The following CUX1 variants were observed in gnomAD, a reference collection of about 807,000 sequenced individuals.
The protein encoded by CUX1 is protein CASP.
A neutral mutation model predicts 158.8 loss-of-function variants in CUX1; 31 were observed. The ratio of observed to expected loss-of-function variants is 0.20; its 90% CI spans 0.15 to 0.26. The LOEUF is 0.26. Ranked by LOEUF, CUX1 falls within the 10% of genes least tolerant of loss-of-function variation. CUX1 has a pLI of 1.00. For missense variants in CUX1, 1,589 were observed against 2,014.6 expected (o/e 0.79, Z 4.04); for synonymous variants, 879 against 862.1 (o/e 1.02, Z -0.34).
intron 2 of CUX1, among the ~76,000 whole-genome samples, chr7:101,942,972 A>G (rs1319004249): frequency 2.0e-5 from 3 of 151,584 alleles, no homozygotes; most frequent in African/African-American, 7.3e-5. Flanking sequence ...TCCTTCCTAG[A>G]ACAGCTGTGA....
chr7:101,955,216 G>C (rs756549897), intron 2 of CUX1, among the ~76,000 whole-genome samples: 2 of 151,638 alleles, frequency 1.3e-5, no homozygotes, highest in Non-Finnish European at 1.5e-5. Flanking sequence ...TTTGTGTTCC[G>C]CTCTGCGCCT....
chr7:102,194,189 T>G, intron 13 of CUX1: 1 of 412,512 alleles, frequency 2.4e-6, no homozygotes, highest in South Asian at 5.7e-5. Flanking sequence ...GCAAATTATC[T>G]TTAACAAAAA....
chr7:101,849,053 T>G (rs1795994006), intron 1 of CUX1, among the ~76,000 whole-genome samples: 1 of 152,118 alleles, frequency 6.6e-6, no homozygotes, highest in South Asian at 2.1e-4. Flanking sequence ...AGGTGTTTCT[T>G]CCTTGGCAGC....
intron 1 of CUX1, among the ~76,000 whole-genome samples, chr7:101,874,297 A>G (rs547791658): frequency 6.6e-6 from 1 of 152,338 alleles, no homozygotes; most frequent in South Asian, 2.1e-4. Flanking sequence ...TGAGGAAATA[A>G]GGGCTTAATA....
rs1207475198 is a variant in CUX1 at position 102,038,789 on chromosome 7, CA to C, written c.189+10651del. Among the ~76,000 whole-genome samples the C allele has an allele frequency of 6.6e-5, 10 of 151,966 alleles. No homozygotes were observed. The East Asian group carries it at 1.9e-3, about 29-fold the overall frequency. On this transcript the variant is annotated intron_variant, in intron 3 of 23. Transcript: ENST00000292535. ...CAACATAGTGAGACCTCCATCTTGA[CA>C]AAAAAATTTAAAAAGTTACCCAAGC...
At chr7:102,123,805 G>A (rs1399862480) in intron 8 of CUX1, among the ~76,000 whole-genome samples, 3 of 151,846 alleles carry the variant, frequency 2.0e-5, no homozygotes, top group South Asian at 2.1e-4. Flanking sequence ...TGGTATCACA[G>A]GTGTGTACCA....
chr7:101,821,738 G>C lies in CUX1; in HGVS notation c.30+4069G>C, dbSNP rs1207213950. ...CGCCCAGGCTGGAGTGCAGTGGTGC[G>C]ATCTCGGCTCACTGCAAGCTCCGCC... is the stretch of plus-strand genomic sequence containing the variant. On this transcript the variant is annotated intron_variant, in intron 1 of 23. Transcript: ENST00000292535. Among the ~76,000 whole-genome samples the C allele has an allele frequency of 1.0e-4, 10 of 98,020 alleles. No individual in the cohort carries two copies. In the East Asian group the frequency reaches 2.4e-3, roughly 23 times the overall value. 64.3% of individuals were successfully genotyped at this position (98,020 alleles called of 152,430 possible).
intron 3 of CUX1, among the ~76,000 whole-genome samples, chr7:102,057,481 T>G (rs1416450078): frequency 6.6e-6 from 1 of 152,192 alleles, no homozygotes; most frequent in Non-Finnish European, 1.5e-5. Flanking sequence ...TTAGATTCCA[T>G]GAAGAACATT....
chr7:101,872,232 C>G (rs1798643072), intron 1 of CUX1, among the ~76,000 whole-genome samples: 1 of 152,066 alleles, frequency 6.6e-6, no homozygotes, highest in Non-Finnish European at 1.5e-5. Context: ...CTCTTGGGTT[C>G]AAGTGATTCT....
intron 10 of CUX1, among the ~76,000 whole-genome samples, chr7:102,175,880 C>A (rs1406475716): frequency 6.6e-6 from 1 of 152,210 alleles, no homozygotes; most frequent in Non-Finnish European, 1.5e-5. Context: ...AAAATGTCAC[C>A]GAAATGCCGA....
At chr7:102,140,087 C>T (rs1348312925) in intron 8 of CUX1, among the ~76,000 whole-genome samples, 1 of 152,186 alleles carries the variant, frequency 6.6e-6, no homozygotes, top group Non-Finnish European at 1.5e-5. Context: ...CAAGACACAG[C>T]ATCAATAAAG....
chr7:102,248,783 C>T lies in CUX1; in HGVS notation c.4259C>T (p.Ala1420Val), dbSNP rs1801117640. The T allele has an allele frequency of 1.9e-6, 2 of 1,057,790 alleles. No individual in the cohort carries two copies. The highest frequency in any genetic ancestry group is 3.5e-5 in the African/African-American group (2 of 57,734). The allele number at this position is 1,057,790 out of a possible 1,614,324, so 65.5% of individuals were successfully genotyped here. The stretch of plus-strand genomic sequence containing the variant: ...GCCGCGCCCGCGGCCCCCGAGGACG[C>T]CGCTACCTCAGCCGCCGCCGCGCCG... Reference protein sequence around the residue: ...ATAAPAAPEDAATSAAAAPGE... With the variant: ...ATAAPAAPEDVATSAAAAPGE... The change falls in exon 24 of 24, where the codon GCC becomes GTC. Residue 1420 changes from alanine to valine, a missense_variant. Transcript: ENST00000292535. The surrounding 1 kb of genome is among the most constrained non-coding windows in gnomAD (Gnocchi z 5.8).
chr7:102,207,647 T>A (rs1248357786), intron 20 of CUX1, among the ~76,000 whole-genome samples: 4 of 152,066 alleles, frequency 2.6e-5, no homozygotes, highest in African/African-American at 9.7e-5. Flanking sequence ...TGACAGAGTT[T>A]CAACATGTTG....
At chr7:101,989,754 C>A (rs943073083) in intron 2 of CUX1, among the ~76,000 whole-genome samples, 2 of 152,172 alleles carry the variant, frequency 1.3e-5, no homozygotes, top group Admixed American at 6.5e-5. Context: ...CCTGCTCCTA[C>A]CCCCGTCCTT....
intron 3 of CUX1, among the ~76,000 whole-genome samples, chr7:102,035,688 T>C (rs1585360981): frequency 8.1e-6 from 1 of 123,034 alleles, no homozygotes; most frequent in Non-Finnish European, 1.7e-5. Flanking sequence ...TAGAAATGAA[T>C]GTAACAATAC....
intron 3 of CUX1, among the ~76,000 whole-genome samples, chr7:102,033,961 C>T (rs778967487): frequency 2.4e-4 from 36 of 151,558 alleles, no homozygotes; most frequent in Non-Finnish European, 4.3e-4. Flanking sequence ...GCCTGGCCAA[C>T]ATGGTGCAAC....
intron 1 of CUX1, among the ~76,000 whole-genome samples, chr7:101,878,243 C>T (rs1562957765): frequency 6.6e-6 from 1 of 152,176 alleles, no homozygotes; most frequent in Non-Finnish European, 1.5e-5. Flanking sequence ...GGGACAGGAC[C>T]CTCCCCTCCC....
intron 6 of CUX1, among the ~76,000 whole-genome samples, chr7:102,111,101 GT>G (rs34055650): frequency 0.044 from 6,526 of 147,278 alleles, 148 homozygotes; most frequent in Middle Eastern, 0.11. Flanking sequence ...TTTTGGAGGG[GT>G]TTTTTTTTTT....
intron 2 of CUX1, among the ~76,000 whole-genome samples, chr7:101,992,629 A>C (rs1815288890): frequency 6.6e-6 from 1 of 152,088 alleles, no homozygotes; most frequent in Non-Finnish European, 1.5e-5. Flanking sequence ...GGTGATACTG[A>C]TTTAGATCTT....
Sources: allele counts gnomAD v4.1 joint callset (sites outside exome capture counted in the v4.1 genomes callset), GRCh38; gene constraint gnomAD v4.1.1; non-coding constraint Gnocchi (gnomAD v3.1); transcripts MANE v1.5; gene names NCBI Gene and HGNC (gene_info 2026-07-23, HGNC 2026-07-21).